MINAR2: variants seen among roughly 807,000 people sequenced by gnomAD.
The protein encoded by MINAR2 is major intrinsically disordered NOTCH2-binding receptor 1-like.
In MINAR2, 21 loss-of-function variants were observed where a neutral mutation model predicts 16.1. The observed-to-expected ratio is 1.31, with a 90% confidence interval of 0.93 to 1.88. The LOEUF (loss-of-function observed/expected upper bound fraction) is 1.88, where lower values mean the gene tolerates loss of function less well. MINAR2 is among the 40% of genes most tolerant of loss of function. The pLI is 0.00. For missense variants in MINAR2, 259 were observed against 229.8 expected, an observed-to-expected ratio of 1.13 and a Z score of -0.82; for synonymous variants, 86 against 83.0, an observed-to-expected ratio of 1.04 and a Z score of -0.20.
rs1348792952 is a variant in MINAR2 at position 129,765,951 on chromosome 5, G to C, written c.*888G>C. The C allele has an allele frequency of 6.6e-6, 1 of 152,198 alleles. No individual in the cohort carries two copies. The highest frequency in any genetic ancestry group is 1.5e-5 in the Non-Finnish European group (1 of 68,046). 9.4% of individuals were successfully genotyped at this position (152,198 alleles called of 1,614,324 possible). Reference sequence around the variant, plus strand: ...ATGATATTACCTGCCCAACAGGGCTGGCCAAAGGACCAAATACAAAACAGG... The same window carrying C: ...ATGATATTACCTGCCCAACAGGGCTCGCCAAAGGACCAAATACAAAACAGG... On this transcript the variant is annotated 3_prime_UTR_variant, in exon 3 of 3. Coordinates refer to ENST00000564719, the MANE Select transcript of MINAR2 (RefSeq NM_001257308.2).
chr5:129,757,279 C>T (rs1330577701), intron 1 of MINAR2, among the ~76,000 whole-genome samples: 5 of 151,814 alleles, frequency 3.3e-5, no homozygotes, highest in Non-Finnish European at 7.4e-5. Flanking sequence ...CAGAAACAGA[C>T]TGGGAAAGGC....
In MINAR2 at chr5:129,748,214, T is replaced by C; in HGVS notation, c.24T>C (p.Asn8=). MDLSVLP[N]NNHPDKFLQL... ...ACATGGATCTCTCTGTTTTGCCAAA[T>C]AACAACCATCCTGACAAATTCCTGC... Residue 8 remains asparagine, a synonymous_variant, in exon 1 of 3, where the codon AAT becomes AAC. Transcript: ENST00000564719. 6.5e-7 allele frequency: 1 copy of C among 1,535,108 alleles called. No homozygotes were observed. Among genetic ancestry groups the C allele is most frequent in the East Asian group, 2.4e-5 (1 of 40,894 alleles).
intron 1 of MINAR2, among the ~76,000 whole-genome samples, chr5:129,752,956 G>C (rs1758003910): frequency 6.6e-6 from 1 of 152,054 alleles, no homozygotes; most frequent in African/African-American, 2.4e-5. Flanking sequence ...CTAAGGGCGA[G>C]AGGCTGCTCT....
chr5:129,754,786 G>A (rs1283458338), intron 1 of MINAR2, among the ~76,000 whole-genome samples: 1 of 152,088 alleles, frequency 6.6e-6, no homozygotes, highest in Non-Finnish European at 1.5e-5. Context: ...CATCCCTGTA[G>A]ATAATCATGT....
At chr5:129,758,793 T>G (rs1314854952) in intron 1 of MINAR2, among the ~76,000 whole-genome samples, 1 of 152,062 alleles carries the variant, frequency 6.6e-6, no homozygotes, top group African/African-American at 2.4e-5. Flanking sequence ...TCATTTAAAT[T>G]TCTTATCAAA....
At chr5:129,749,797 G>C (rs965939721) in intron 1 of MINAR2, among the ~76,000 whole-genome samples, 3 of 152,084 alleles carry the variant, frequency 2.0e-5, no homozygotes, top group Non-Finnish European at 2.9e-5. Flanking sequence ...CCTTCATGTG[G>C]AACTTCACAG....
At chr5:129,759,318 T>C (rs1314584461) in intron 1 of MINAR2, among the ~76,000 whole-genome samples, 1 of 152,104 alleles carries the variant, frequency 6.6e-6, no homozygotes, top group Non-Finnish European at 1.5e-5. Context: ...TTAAAGATTA[T>C]CTAAAATTAA....
chr5:129,758,155 A>G (rs549281345), intron 1 of MINAR2, among the ~76,000 whole-genome samples: 2 of 152,016 alleles, frequency 1.3e-5, no homozygotes, highest in African/African-American at 4.8e-5. Context: ...TTTTAAATAA[A>G]TATTTTAAAA....
chr5:129,749,629 G>A (rs1389473169), intron 1 of MINAR2, among the ~76,000 whole-genome samples: 1 of 151,970 alleles, frequency 6.6e-6, no homozygotes, highest in African/African-American at 2.4e-5. Flanking sequence ...CCTCCTTATT[G>A]TTTATATCAC....
At chr5:129,753,317 A>G (rs1758009604) in intron 1 of MINAR2, among the ~76,000 whole-genome samples, 1 of 151,532 alleles carries the variant, frequency 6.6e-6, no homozygotes, top group Admixed American at 6.6e-5. Flanking sequence ...AACCCCATCT[A>G]TAGTAAAAAT....
Position 129,765,020 on chromosome 5 carries a change from C to A in MINAR2, c.530C>A (p.Ser177Tyr). ...GGTCTGATTTTACTTGTCGTTATCT[C>A]CATCTTGGTTACCATAGTGACTATC... ...RMGLILLVVISILVTIVTIIT... is the reference protein window; with the variant it reads ...RMGLILLVVIYILVTIVTIIT... Residue 177 changes from serine (S) to tyrosine (Y), a missense_variant, in exon 3 of 3, where the codon TCC becomes TAC. By Grantham distance (144) the Ser-to-Tyr change is moderately radical. Coordinates refer to ENST00000564719, the MANE Select transcript of MINAR2 (RefSeq NM_001257308.2). 7 of 1,345,096 alleles carry A rather than the reference C, an allele frequency of 5.2e-6. No homozygotes were observed. Among genetic ancestry groups the A allele is most frequent in the Non-Finnish European group, 6.7e-6 (7 of 1,046,530 alleles). 83.3% of individuals were successfully genotyped at this position (1,345,096 alleles called of 1,614,324 possible). A position where few individuals can be genotyped will look rare whatever the true frequency, so the allele number is the denominator to read the frequency against.
chr5:129,749,925 T>C (rs1186425449), intron 1 of MINAR2, among the ~76,000 whole-genome samples: 1 of 152,188 alleles, frequency 6.6e-6, no homozygotes, highest in Non-Finnish European at 1.5e-5. Context: ...ACCAAAGAGG[T>C]AAACTTCTGC....
Position 129,759,992 on chromosome 5 carries a change from A to C in MINAR2, c.166-386A>C, listed in dbSNP as rs555634125. On this transcript the variant is annotated intron_variant, in intron 1 of 2. Coordinates refer to ENST00000564719, the MANE Select transcript of MINAR2 (RefSeq NM_001257308.2). ...TTGCTGGATTAGCACAATAATATTA[A>C]ATACTATTTTAATAAGTCATGGAAT... 2.2e-4 allele frequency among the ~76,000 whole-genome samples: 33 copies of C among 152,308 alleles called. 1 individual carries two copies. The South Asian group carries it at 6.8e-3, about 32-fold the overall frequency.
chr5:129,754,643 T>TA (rs1181690846), intron 1 of MINAR2, among the ~76,000 whole-genome samples: 2 of 152,152 alleles, frequency 1.3e-5, no homozygotes, highest in Admixed American at 6.5e-5. Flanking sequence ...TCTAAATACT[T>TA]ACATTATTTT....
intron 1 of MINAR2, among the ~76,000 whole-genome samples, chr5:129,758,910 AATG>A (rs1356093218): frequency 6.6e-6 from 1 of 152,008 alleles, no homozygotes; most frequent in Non-Finnish European, 1.5e-5. Flanking sequence ...AGTTTTACAG[AATG>A]TAAGTTGACT....
intron 1 of MINAR2, among the ~76,000 whole-genome samples, chr5:129,757,917 C>A (rs995903884): frequency 6.4e-4 from 97 of 151,990 alleles, no homozygotes; most frequent in Non-Finnish European, 8.8e-5. Flanking sequence ...CCTTAAACGT[C>A]TGTTATCAAC....
rs1318490396 is a variant in MINAR2, at chr5:129,760,510, G to C, written c.298G>C (p.Glu100Gln). The C allele has an allele frequency of 1.3e-6, 2 of 1,535,722 alleles. No homozygotes were observed. Among genetic ancestry groups the C allele is most frequent in the Middle Eastern group, 3.3e-4 (2 of 5,986 alleles). ...NNPLYGDLSL[E>Q]EAMEERKKNP... ...CCCACTCTATGGTGACCTAAGTTTG[G>C]AGGAAGCTATGGAAGAAAGAAAAAA... Residue 100 changes from glutamate to glutamine, a missense_variant, in exon 2 of 3, where the codon GAG becomes CAG. Glu to Gln is a conservative substitution (Grantham distance 29). Coordinates refer to ENST00000564719, the MANE Select transcript of MINAR2 (RefSeq NM_001257308.2).
intron 1 of MINAR2, among the ~76,000 whole-genome samples, chr5:129,749,151 G>T (rs907558400): frequency 6.6e-5 from 10 of 152,176 alleles, no homozygotes; most frequent in African/African-American, 2.4e-4. Flanking sequence ...GGCTAATGGG[G>T]TTAAGAGTTA....
At chr5:129,761,917 C>A (rs1171645184) in intron 2 of MINAR2, among the ~76,000 whole-genome samples, 1 of 151,760 alleles carries the variant, frequency 6.6e-6, no homozygotes, top group Non-Finnish European at 1.5e-5. Context: ...GTAATAGTAA[C>A]AGAAAGTGCC....
Sources: gnomAD v4.1 joint callset for allele counts (sites outside exome capture counted in the v4.1 genomes callset) on GRCh38, gnomAD v4.1.1 for gene constraint, MANE v1.5 for transcripts, NCBI Gene and HGNC (gene_info 2026-07-23, HGNC 2026-07-21) for gene names.